Variants in PRKAR1B observed in about 807,000 individuals in gnomAD.
The protein encoded by PRKAR1B is protein kinase cAMP-dependent type I regulatory subunit beta.
A neutral mutation model predicts 46.5 loss-of-function variants in PRKAR1B; 22 were observed. The ratio of observed to expected loss-of-function variants is 0.47; its 90% CI spans 0.34 to 0.68. PRKAR1B has a LOEUF of 0.68. Among genes scored for constraint, PRKAR1B ranks in the 30% least tolerant of loss-of-function variants. PRKAR1B has a pLI of 0.01. For synonymous variants in PRKAR1B, 259 were observed against 217.7 expected (o/e 1.19, Z -1.67); for missense variants, 445 against 535.6 (o/e 0.83, Z 1.67).
At chr7:605,443 A>G (rs548596007) in intron 6 of PRKAR1B, among the ~76,000 whole-genome samples, 1 of 152,300 alleles carries the variant, frequency 6.6e-6, no homozygotes, top group African/African-American at 2.4e-5. Flanking sequence ...GGACGGCAGA[A>G]GAGATGGGAG....
chr7:708,073 G>A (rs1780428063), intron 2 of PRKAR1B, among the ~76,000 whole-genome samples: 2 of 146,718 alleles, frequency 1.4e-5, no homozygotes, highest in African/African-American at 5.1e-5. Flanking sequence ...CCCAGAATTA[G>A]CCATCCCAAT....
At chr7:678,745 C>T (rs889119407) in intron 3 of PRKAR1B, among the ~76,000 whole-genome samples, 1 of 152,184 alleles carries the variant, frequency 6.6e-6, no homozygotes, top group Non-Finnish European at 1.5e-5. Context: ...TGAGAGACAG[C>T]AATGAAATCT....
In PRKAR1B at chr7:619,391, G is replaced by A. The variant is rs183583684; in HGVS notation, c.441-11939C>T. Among the ~76,000 whole-genome samples the A allele has an allele frequency of 6.8e-4, 103 of 152,278 alleles. 3 individuals are homozygous for A. Among genetic ancestry groups the A allele is most frequent in the Non-Finnish European group, 8.8e-5 (6 of 68,024 alleles). On this transcript the variant is annotated intron_variant, in intron 4 of 10. Coordinates refer to ENST00000537384, the MANE Select transcript of PRKAR1B (RefSeq NM_001164760.2). ...CCTAGAAACTAACACAGTGTTTTAC[G>A]CACAGTTGCTCATTTAATTCTCACA...
chr7:708,059 C>T (rs1306340875), intron 2 of PRKAR1B, among the ~76,000 whole-genome samples: 1 of 150,340 alleles, frequency 6.7e-6, no homozygotes, highest in African/African-American at 2.5e-5. Context: ...TTATCCCACA[C>T]GGACCCAGAA....
chr7:625,189 G>A (rs1258870570), intron 4 of PRKAR1B, among the ~76,000 whole-genome samples: 2 of 152,094 alleles, frequency 1.3e-5, no homozygotes, highest in African/African-American at 4.8e-5. Flanking sequence ...AGGCTCAAGA[G>A]AAGTTGAAAA....
chr7:551,761 C>T (rs549460144), intron 9 of PRKAR1B, among the ~76,000 whole-genome samples: 17 of 146,516 alleles, frequency 1.2e-4, no homozygotes, highest in African/African-American at 4.3e-4. Context: ...CCCCACCTCC[C>T]GCCCGGGTCC....
chr7:694,279 C>G (rs1209097480), intron 2 of PRKAR1B, among the ~76,000 whole-genome samples: 1 of 151,886 alleles, frequency 6.6e-6, no homozygotes, highest in Non-Finnish European at 1.5e-5. Context: ...AGCGAGACTC[C>G]ATCTCAAAAA....
chr7:574,572 T>G (rs1028903341), intron 9 of PRKAR1B, among the ~76,000 whole-genome samples: 13 of 152,112 alleles, frequency 8.5e-5, no homozygotes, highest in Admixed American at 5.9e-4. Flanking sequence ...AGCCTCCCAG[T>G]AGCCGGGATT....
intron 4 of PRKAR1B, among the ~76,000 whole-genome samples, chr7:655,782 ATGAT>A (rs1785156982): frequency 6.6e-6 from 1 of 152,074 alleles, no homozygotes; most frequent in Non-Finnish European, 1.5e-5. Flanking sequence ...ACTGCCACAT[ATGAT>A]TCAGAGTTGG....
intron 4 of PRKAR1B, among the ~76,000 whole-genome samples, chr7:616,546 G>A (rs564663572): frequency 5.9e-5 from 9 of 152,342 alleles, no homozygotes; most frequent in African/African-American, 1.7e-4. Flanking sequence ...GGCTTCCTCA[G>A]GCTGTGGTCC....
At chr7:662,397 G>A (rs1562597535) in intron 4 of PRKAR1B, among the ~76,000 whole-genome samples, 1 of 126,728 alleles carries the variant, frequency 7.9e-6, no homozygotes, top group Non-Finnish European at 1.6e-5. Context: ...TCCCTCCATG[G>A]CACAGGTCCC....
At chr7:563,926 C>T (rs767347390) in intron 9 of PRKAR1B, among the ~76,000 whole-genome samples, 3 of 151,992 alleles carry the variant, frequency 2.0e-5, no homozygotes, top group African/African-American at 7.2e-5. Context: ...TGAGTATGTG[C>T]GTTGGTGTGC....
At chr7:574,061 G>A (rs961019826) in intron 9 of PRKAR1B, among the ~76,000 whole-genome samples, 44 of 152,348 alleles carry the variant, frequency 2.9e-4, no homozygotes, top group African/African-American at 9.1e-4. Context: ...CCGCGCGTGC[G>A]GCCTTGATCT....
chr7:695,366 CAGAAA>C lies in PRKAR1B; in HGVS notation c.178-14645_178-14641del, dbSNP rs143077695. Among the ~76,000 whole-genome samples the C allele has an allele frequency of 9.6e-3, 1,458 of 152,302 alleles. 21 individuals are homozygous for C. Among genetic ancestry groups the C allele is most frequent in the East Asian group, 0.057 (295 of 5,170 alleles). ...GGGGATGAAGTACAGACGTCCAGCC[CAGAAA>C]AGAAAATATCTGGGCGGGTCCTGGG... is the stretch of plus-strand genomic sequence containing the variant. On this transcript the variant is annotated intron_variant, in intron 2 of 10. Coordinates refer to ENST00000537384, the MANE Select transcript of PRKAR1B (RefSeq NM_001164760.2).
intron 4 of PRKAR1B, among the ~76,000 whole-genome samples, chr7:626,969 G>A (rs1406828470): frequency 1.3e-5 from 2 of 152,098 alleles, no homozygotes; most frequent in African/African-American, 4.8e-5. Flanking sequence ...CCGCCTCCCG[G>A]GTTCAAGCGA....
intron 4 of PRKAR1B, among the ~76,000 whole-genome samples, chr7:664,593 C>A (rs68072921): frequency 0.11 from 16,197 of 152,180 alleles, 978 homozygotes; most frequent in South Asian, 0.24. Context: ...CCACACACCA[C>A]CAAATTCCAC....
intron 3 of PRKAR1B, among the ~76,000 whole-genome samples, chr7:677,759 C>T (rs889497764): frequency 2.6e-5 from 4 of 152,112 alleles, no homozygotes; most frequent in African/African-American, 4.8e-5. Context: ...TCACGTGTCA[C>T]GTAATGATGG....
chr7:641,632 C>T (rs1784395175), intron 4 of PRKAR1B, among the ~76,000 whole-genome samples: 1 of 152,096 alleles, frequency 6.6e-6, no homozygotes, highest in African/African-American at 2.4e-5. Flanking sequence ...TACAGTAGAT[C>T]CATACAATGG....
chr7:681,697 G>T (rs1778695627), intron 2 of PRKAR1B, among the ~76,000 whole-genome samples: 2 of 152,142 alleles, frequency 1.3e-5, no homozygotes, highest in South Asian at 4.1e-4. Flanking sequence ...TTGAGCTGTG[G>T]ATGGCAGGAT....
Sources: allele counts gnomAD v4.1 joint callset (sites outside exome capture counted in the v4.1 genomes callset), GRCh38; gene constraint gnomAD v4.1.1; transcripts MANE v1.5; gene names NCBI Gene and HGNC (gene_info 2026-07-23, HGNC 2026-07-21).